ADGRL2: variants seen among roughly 807,000 people sequenced by gnomAD.
The protein encoded by ADGRL2 is calcium-independent alpha-latrotoxin receptor 2.
In ADGRL2, 44 loss-of-function variants were observed where a neutral mutation model predicts 157.4. The ratio of observed to expected loss-of-function variants is 0.28; its 90% CI spans 0.22 to 0.36. The LOEUF (loss-of-function observed/expected upper bound fraction) is 0.36, where lower values mean the gene tolerates loss of function less well. Ranked by LOEUF, ADGRL2 falls within the 10% of genes least tolerant of loss-of-function variation. The probability of loss-of-function intolerance (pLI) is 1.00; values close to 1 mark genes in which losing one functional copy is unlikely to be tolerated. For missense variants in ADGRL2, 1,510 were observed against 1,768.9 expected (o/e 0.85, Z 2.63); for synonymous variants, 585 against 624.7 (o/e 0.94, Z 0.95).
chr1:81,432,671 C>T (rs897608381), intron 1 of ADGRL2, among the ~76,000 whole-genome samples: 1 of 152,140 alleles, frequency 6.6e-6, no homozygotes, highest in Non-Finnish European at 1.5e-5. Flanking sequence ...TGCCCCCCTC[C>T]TCGGCGCCGC....
intron 1 of ADGRL2, among the ~76,000 whole-genome samples, chr1:81,391,904 C>T (rs1204856186): frequency 6.6e-6 from 1 of 152,054 alleles, no homozygotes. Context: ...TTATTAAATC[C>T]TTACCATTAT....
At chr1:81,807,790 T>TTG (rs748350514) in intron 1 of ADGRL2, among the ~76,000 whole-genome samples, 8 of 151,576 alleles carry the variant, frequency 5.3e-5, no homozygotes, top group Non-Finnish European at 7.4e-5. Context: ...GTAAGTATTT[T>TTG]TGTGTGTGTG....
chr1:81,770,293 G>C (rs2086307323), intron 2 of ADGRL2, among the ~76,000 whole-genome samples: 1 of 150,872 alleles, frequency 6.6e-6, no homozygotes. Context: ...CTCCCAAGTA[G>C]CTGGGAGTAC....
chr1:81,603,386 T>C (rs930088534), intron 3 of ADGRL2, among the ~76,000 whole-genome samples: 1 of 152,282 alleles, frequency 6.6e-6, no homozygotes, highest in East Asian at 1.9e-4. Flanking sequence ...TGTGTGATGA[T>C]ACATGCACTA....
intron 1 of ADGRL2, among the ~76,000 whole-genome samples, chr1:81,329,650 G>A (rs1661139567): frequency 6.6e-6 from 1 of 152,076 alleles, no homozygotes; most frequent in South Asian, 2.1e-4. Context: ...TAAATATAAA[G>A]TACAATTTTA....
chr1:81,905,947 A>AGT (rs3046460), intron 2 of ADGRL2, among the ~76,000 whole-genome samples: 17,655 of 144,394 alleles, frequency 0.12, 1,070 homozygotes, highest in East Asian at 0.16. Flanking sequence ...AAAAAAGCAG[A>AGT]GTGTGTGTGT....
chr1:81,647,796 G>T (rs913850307), intron 3 of ADGRL2, among the ~76,000 whole-genome samples: 7 of 152,190 alleles, frequency 4.6e-5, no homozygotes, highest in Non-Finnish European at 1.0e-4. Context: ...TAAACAGGAA[G>T]TTGCTATTCC....
At chr1:81,723,075 C>G (rs575595773) in intron 1 of ADGRL2, 25 of 723,602 alleles carry the variant, frequency 3.5e-5, no homozygotes, top group Admixed American at 9.4e-5. Flanking sequence ...AGCACAGTGC[C>G]CTTCTGATAA....
At chr1:81,747,288 C>CATATATATGTAT in intron 1 of ADGRL2, among the ~76,000 whole-genome samples, 1 of 146,412 alleles carries the variant, frequency 6.8e-6, no homozygotes, top group African/African-American at 2.5e-5. Flanking sequence ...CATGTGCATA[C>CATATATATGTAT]ATGTGTATAT....
chr1:81,476,320 AG>A (rs2078272610), intron 2 of ADGRL2, among the ~76,000 whole-genome samples: 1 of 152,174 alleles, frequency 6.6e-6, no homozygotes, highest in Non-Finnish European at 1.5e-5. Context: ...ATGATTGGTG[AG>A]GTAGTCTAAG....
intron 1 of ADGRL2, among the ~76,000 whole-genome samples, chr1:81,440,946 T>A (rs925233663): frequency 6.6e-6 from 1 of 152,224 alleles, no homozygotes; most frequent in Non-Finnish European, 1.5e-5. Flanking sequence ...GCCTACTATC[T>A]TCCTCACAGC....
At chr1:81,793,591 C>T (rs1439580238) in intron 2 of ADGRL2, among the ~76,000 whole-genome samples, 1 of 152,014 alleles carries the variant, frequency 6.6e-6, no homozygotes, top group Non-Finnish European at 1.5e-5. Flanking sequence ...CAATATTTTA[C>T]TTCCAAATTT....
At chr1:81,537,441 G>C (rs2079768022) in intron 2 of ADGRL2, among the ~76,000 whole-genome samples, 1 of 151,610 alleles carries the variant, frequency 6.6e-6, no homozygotes, top group Non-Finnish European at 1.5e-5. Context: ...GCACCACCAT[G>C]CCCTGCTAAT....
intron 15 of ADGRL2, among the ~76,000 whole-genome samples, chr1:81,970,092 C>T (rs759972789): frequency 6.6e-6 from 1 of 152,072 alleles, no homozygotes; most frequent in Non-Finnish European, 1.5e-5. Context: ...AAACCTAGCA[C>T]ACTTGGCATT....
chr1:81,420,878 A>G (rs368505611), intron 1 of ADGRL2, among the ~76,000 whole-genome samples: 2 of 152,194 alleles, frequency 1.3e-5, no homozygotes, highest in Admixed American at 1.3e-4. Context: ...GTAAATCATT[A>G]AATATCAGCT....
chr1:81,752,837 A>G (rs1194906652), intron 1 of ADGRL2, among the ~76,000 whole-genome samples: 2 of 152,248 alleles, frequency 1.3e-5, no homozygotes, highest in African/African-American at 4.8e-5. Flanking sequence ...GTAGGTATTA[A>G]AATAGCAACA....
intron 17 of ADGRL2, among the ~76,000 whole-genome samples, chr1:81,972,484 TAAATG>T: frequency 6.6e-6 from 1 of 152,332 alleles, no homozygotes; most frequent in East Asian, 1.9e-4. Flanking sequence ...ATGCTATTTT[TAAATG>T]AATTTGATGC....
intron 2 of ADGRL2, among the ~76,000 whole-genome samples, chr1:81,539,815 TAA>T (rs11297905): frequency 4.9e-5 from 7 of 143,742 alleles, no homozygotes; most frequent in South Asian, 2.2e-4. Context: ...GGGAAAAGAT[TAA>T]AAAAAAAAAA....
At chr1:81,328,641 G>A (rs945916068) in intron 1 of ADGRL2, among the ~76,000 whole-genome samples, 1 of 152,032 alleles carries the variant, frequency 6.6e-6, no homozygotes, top group Non-Finnish European at 1.5e-5. Flanking sequence ...GATAAACAGT[G>A]CATCTTTCCA....
Sources: allele counts gnomAD v4.1 joint callset (sites outside exome capture counted in the v4.1 genomes callset), GRCh38; gene constraint gnomAD v4.1.1; transcripts MANE v1.5; gene names NCBI Gene and HGNC (gene_info 2026-07-23, HGNC 2026-07-21).